The following CMKLR2 variants were observed in gnomAD, a reference collection of about 807,000 sequenced individuals.
CMKLR2 encodes the protein chemerin chemokine-like receptor 2.
A neutral mutation model predicts 23.0 loss-of-function variants in CMKLR2; 18 were observed. The ratio of observed to expected loss-of-function variants is 0.78; its 90% CI spans 0.54 to 1.16. The LOEUF (loss-of-function observed/expected upper bound fraction) is 1.16, where lower values mean the gene tolerates loss of function less well. Among genes scored for constraint, CMKLR2 ranks in the 50% most tolerant of loss-of-function variants. The probability of loss-of-function intolerance (pLI) is 0.00; values close to 1 mark genes in which losing one functional copy is unlikely to be tolerated. For synonymous variants in CMKLR2, 158 were observed against 158.9 expected, an observed-to-expected ratio of 0.99 and a Z score of 0.05; for missense variants, 401 against 412.7, an observed-to-expected ratio of 0.97 and a Z score of 0.25.
rs776202834 is a variant in CMKLR2 at position 206,177,128 on chromosome 2, G to A, written c.120C>T (p.Val40=). ...EKVQLGVVHW[V]SLVLYCLAFV... ...AAGCCAAACAATATAACACCAGGGA[G>A]ACCCAGTGAACAACTCCCAGCTGGA... The change falls in exon 2 of 2, where the codon GTC becomes GTT. Residue 40 remains valine (V), a synonymous_variant. Transcript: ENST00000621141. The A allele has an allele frequency of 5.0e-6, 8 of 1,613,908 alleles. No homozygotes were observed. In the Admixed American group the frequency reaches 8.3e-5, roughly 17 times the overall value.
chr2:206,198,031 C>T (rs993332990), intron 1 of CMKLR2, among the ~76,000 whole-genome samples: 3 of 152,158 alleles, frequency 2.0e-5, no homozygotes, highest in African/African-American at 7.2e-5. Context: ...CTTGATCCAC[C>T]CAAAAGTTCA....
chr2:206,181,734 T>C (rs1457555842), intron 1 of CMKLR2, among the ~76,000 whole-genome samples: 2 of 151,954 alleles, frequency 1.3e-5, no homozygotes, highest in Non-Finnish European at 2.9e-5. Flanking sequence ...GGGTGAATCA[T>C]CTAAGGTCAG....
At chr2:206,202,564 A>G (rs1689134371) in intron 1 of CMKLR2, among the ~76,000 whole-genome samples, 1 of 152,078 alleles carries the variant, frequency 6.6e-6, no homozygotes, top group Non-Finnish European at 1.5e-5. Context: ...GGGCTCAAGC[A>G]ATTCTCCTGC....
chr2:206,198,443 G>C (rs1007625485), intron 1 of CMKLR2, among the ~76,000 whole-genome samples: 2 of 152,130 alleles, frequency 1.3e-5, no homozygotes, highest in African/African-American at 4.8e-5. Context: ...TTATGATTCT[G>C]CCCCTGGTGT....
At chr2:206,215,591 T>C (rs891025081), upstream of CMKLR2, among the ~76,000 whole-genome samples, 4 of 152,212 alleles carry the variant, frequency 2.6e-5, no homozygotes, top group Admixed American at 6.5e-5. Flanking sequence ...TTAAAACATA[T>C]GCTTGCTTAG....
At chr2:206,205,229 T>C (rs895412555) in intron 1 of CMKLR2, among the ~76,000 whole-genome samples, 1 of 152,222 alleles carries the variant, frequency 6.6e-6, no homozygotes, top group Non-Finnish European at 1.5e-5. Flanking sequence ...CAAAAATCAA[T>C]CTTTTATTTA....
At chr2:206,211,174 C>T (rs1208609367) in intron 1 of CMKLR2, among the ~76,000 whole-genome samples, 1 of 152,104 alleles carries the variant, frequency 6.6e-6, no homozygotes, top group Non-Finnish European at 1.5e-5. Context: ...CATGCCTGAC[C>T]CACCCACGAG....
chr2:206,209,106 C>T (rs926321994), intron 1 of CMKLR2, among the ~76,000 whole-genome samples: 72 of 152,156 alleles, frequency 4.7e-4, no homozygotes, highest in Admixed American at 1.3e-3. Context: ...GGGAGGCTGA[C>T]GTGGTTGGAT....
Position 206,204,589 on chromosome 2 carries a change from C to T in CMKLR2, c.-29+8718G>A, listed in dbSNP as rs189169694. Among the ~76,000 whole-genome samples, 6 of 151,790 alleles carry T rather than the reference C, an allele frequency of 4.0e-5. No homozygotes were observed. In the East Asian group the frequency reaches 5.9e-4, roughly 15 times the overall value. On this transcript the variant is annotated intron_variant, in intron 1 of 1. Coordinates refer to ENST00000621141, the MANE Select transcript of CMKLR2 (RefSeq NM_001389445.1). ...TTTTGTTTTTTTTGAGACAGAGTCT[C>T]GCTCTGTCGCCCAGGCCAGAGTGCA...
intron 1 of CMKLR2, among the ~76,000 whole-genome samples, chr2:206,188,011 C>T (rs982878571): frequency 3.3e-5 from 5 of 152,116 alleles, no homozygotes; most frequent in African/African-American, 7.2e-5. Flanking sequence ...AATTCTCACT[C>T]GAGAATCAAG....
At chr2:206,190,438 G>C (rs1443198800) in intron 1 of CMKLR2, among the ~76,000 whole-genome samples, 1 of 152,176 alleles carries the variant, frequency 6.6e-6, no homozygotes, top group Non-Finnish European at 1.5e-5. Flanking sequence ...AAAAGAATTT[G>C]AATGGAAGTA....
chr2:206,198,064 G>A (rs1224440861), intron 1 of CMKLR2, among the ~76,000 whole-genome samples: 2 of 152,186 alleles, frequency 1.3e-5, no homozygotes, highest in African/African-American at 2.4e-5. Flanking sequence ...GAGGGTTGAC[G>A]TTAGGGTGAG....
rs768872383 is a variant in CMKLR2 at position 206,176,165 on chromosome 2, T to C, written c.*15A>G. The stretch of plus-strand genomic sequence containing the variant: ...ACATAAAAAGCCATATACTGATTTG[T>C]GGAAAAGTAATAACTTATTGAGCTG... On this transcript the variant is annotated 3_prime_UTR_variant, in exon 2 of 2. Transcript: ENST00000621141. 10 of 1,568,164 alleles carry C rather than the reference T, an allele frequency of 6.4e-6. No individual in the cohort carries two copies. Among genetic ancestry groups the C allele is most frequent in the Non-Finnish European group, 8.7e-6 (10 of 1,154,294 alleles).
intron 1 of CMKLR2, among the ~76,000 whole-genome samples, chr2:206,185,134 G>A (rs1217546563): frequency 4.6e-5 from 7 of 152,068 alleles, no homozygotes; most frequent in African/African-American, 9.7e-5. Context: ...TTACAGGCGT[G>A]AGCCACCACA....
chr2:206,198,014 T>C (rs1182363215), intron 1 of CMKLR2, among the ~76,000 whole-genome samples: 1 of 152,194 alleles, frequency 6.6e-6, no homozygotes, highest in Non-Finnish European at 1.5e-5. Context: ...CCATGTTGGT[T>C]TTCCCCCTTG....
At chr2:206,192,809 A>G in intron 1 of CMKLR2, among the ~76,000 whole-genome samples, 1 of 152,182 alleles carries the variant, frequency 6.6e-6, no homozygotes, top group East Asian at 1.9e-4. Context: ...TCCACAGGAC[A>G]TTGGTTTCAG....
chr2:206,215,688 T>C (rs887345387), upstream of CMKLR2, among the ~76,000 whole-genome samples: 9 of 152,242 alleles, frequency 5.9e-5, no homozygotes, highest in Admixed American at 5.9e-4. Context: ...GAGGTATGTT[T>C]GAAGAGCTTC....
chr2:206,201,543 A>T (rs1689096972), intron 1 of CMKLR2, among the ~76,000 whole-genome samples: 1 of 152,182 alleles, frequency 6.6e-6, no homozygotes, highest in Non-Finnish European at 1.5e-5. Flanking sequence ...CATCACAATT[A>T]GTGCCCTGTG....
In CMKLR2 at chr2:206,176,199, A is replaced by T. The variant is rs1688200558; in HGVS notation, c.1049T>A (p.Leu350His). 1.9e-6 allele frequency: 3 copies of T among 1,611,284 alleles called. No individual in the cohort carries two copies. The East Asian group carries it at 6.7e-5, about 36-fold the overall frequency. Residue 350 changes from leucine to histidine, a missense_variant, in exon 2 of 2, where the codon CTC (leucine) becomes CAC (histidine). Coordinates refer to ENST00000621141, the MANE Select transcript of CMKLR2 (RefSeq NM_001389445.1). ...LRNSETKNLCLLETAQ is the reference protein window; with the variant it reads ...LRNSETKNLCHLETAQ ...AATAACTTATTGAGCTGTTTCCAGG[A>T]GACACAGATTCTTGGTTTCTGAGTT...
Sources: allele counts gnomAD v4.1 joint callset (sites outside exome capture counted in the v4.1 genomes callset), GRCh38; gene constraint gnomAD v4.1.1; transcripts MANE v1.5; gene names NCBI Gene and HGNC (gene_info 2026-07-23, HGNC 2026-07-21).